Variants in RANBP2 observed in about 807,000 individuals in gnomAD.
RANBP2 encodes RAN binding protein 2.
RANBP2 carries 57 observed loss-of-function variants against 303.6 expected under a neutral mutation model. The ratio of observed to expected loss-of-function variants is 0.19; its 90% confidence interval spans 0.15 to 0.23. RANBP2 has a LOEUF of 0.23. Among genes scored for constraint, RANBP2 ranks in the 10% least tolerant of loss-of-function variants. RANBP2 has a pLI of 1.00. For missense variants in RANBP2, 3,138 were observed against 3,780.8 expected, an observed-to-expected ratio of 0.83 and a Z score of 4.46; for synonymous variants, 1,167 against 1,301.5, an observed-to-expected ratio of 0.90 and a Z score of 2.23.
At chr2:109,430,654 T>C in the RANBP2 span, among the ~76,000 whole-genome samples, 1 of 152,220 alleles carries the variant, frequency 6.6e-6, no homozygotes, top group South Asian at 2.1e-4. Flanking sequence ...TTCACTGGAC[T>C]TTTCCCTTAG....
the RANBP2 span, among the ~76,000 whole-genome samples, chr2:109,178,033 CA>C: frequency 6.6e-6 from 1 of 152,252 alleles, no homozygotes; most frequent in Admixed American, 6.5e-5. Flanking sequence ...CCCAATTGTT[CA>C]AGTATGTTTC....
At chr2:109,586,054 G>GA in the RANBP2 span, among the ~76,000 whole-genome samples, 1 of 152,078 alleles carries the variant, frequency 6.6e-6, no homozygotes, top group Non-Finnish European at 1.5e-5. Context: ...TTCATACAAC[G>GA]AGAGTCTAGC....
At chr2:109,355,202 T>G in the RANBP2 span, among the ~76,000 whole-genome samples, 1 of 152,202 alleles carries the variant, frequency 6.6e-6, no homozygotes, top group Non-Finnish European at 1.5e-5. Flanking sequence ...GCACTTGACA[T>G]GAAACCTGTA....
At chr2:109,547,660 T>C in the RANBP2 span, among the ~76,000 whole-genome samples, 1 of 152,140 alleles carries the variant, frequency 6.6e-6, no homozygotes, top group Admixed American at 6.5e-5. Flanking sequence ...ATGCCCTATA[T>C]GGATCATAGA....
chr2:109,021,316 G>A, the RANBP2 span, among the ~76,000 whole-genome samples: 17 of 152,278 alleles, frequency 1.1e-4, no homozygotes, highest in Non-Finnish European at 2.4e-4. Flanking sequence ...GAGGTCAGGA[G>A]ATCGAGACCA....
At chr2:109,647,791 C>A in the RANBP2 span, among the ~76,000 whole-genome samples, 1 of 152,182 alleles carries the variant, frequency 6.6e-6, no homozygotes, top group South Asian at 2.1e-4. Flanking sequence ...ACTTAAACAA[C>A]ATTAGAGCCA....
chr2:109,078,268 GTATATATA>G, the RANBP2 span, among the ~76,000 whole-genome samples: 111 of 46,254 alleles, frequency 2.4e-3, 9 homozygotes, highest in South Asian at 3.6e-3. Flanking sequence ...TATATAGCGC[GTATATATA>G]TATATATATA....
chr2:109,411,339 A>G, the RANBP2 span, among the ~76,000 whole-genome samples: 1 of 152,174 alleles, frequency 6.6e-6, no homozygotes, highest in South Asian at 2.1e-4. Context: ...CCCTGCAGTT[A>G]GTTCCTGCCA....
the RANBP2 span, among the ~76,000 whole-genome samples, chr2:108,995,111 T>G: frequency 6.6e-6 from 1 of 152,152 alleles, no homozygotes; most frequent in Admixed American, 6.5e-5. Flanking sequence ...ATTACAGGCA[T>G]GAGCCACCGT....
chr2:108,833,532 C>T, the RANBP2 span, among the ~76,000 whole-genome samples: 1 of 152,140 alleles, frequency 6.6e-6, no homozygotes, highest in Admixed American at 6.5e-5. Context: ...TCTGGTGTTT[C>T]TTAAGCTATG....
chr2:109,230,683 C>T, the RANBP2 span, among the ~76,000 whole-genome samples: 13 of 152,272 alleles, frequency 8.5e-5, no homozygotes, highest in East Asian at 1.5e-3. Context: ...GTCAGAAAAT[C>T]GTAAGTCGGG....
the RANBP2 span, chr2:109,615,897 C>G: frequency 6.2e-7 from 1 of 1,612,024 alleles, no homozygotes; most frequent in Non-Finnish European, 8.5e-7. Flanking sequence ...ACGTATAAAA[C>G]CCAGACTCAA....
At chr2:109,085,390 G>A in the RANBP2 span, among the ~76,000 whole-genome samples, 5 of 152,138 alleles carry the variant, frequency 3.3e-5, no homozygotes, top group Admixed American at 6.5e-5. Context: ...TGCAATCTCC[G>A]CCTCCTGAGT....
rs543190088 is a variant in RANBP2, at chr2:108,778,789, T to G, written c.8599+1558T>G. 8.7e-5 allele frequency among the ~76,000 whole-genome samples: 13 copies of G among 149,052 alleles called. No individual in the cohort carries two copies. In the East Asian group the frequency reaches 2.3e-3, roughly 26 times the overall value. On this transcript the variant is annotated intron_variant, in intron 25 of 28. Coordinates refer to ENST00000283195, the MANE Select transcript of RANBP2 (RefSeq NM_006267.5). ...TTGCCCAGGCTGGAGTGCAGTGGCATGAACACAGCTCACTGCTGCCTTGAC... is the reference window on the plus strand; with the variant it reads ...TTGCCCAGGCTGGAGTGCAGTGGCAGGAACACAGCTCACTGCTGCCTTGAC...
intron 25 of RANBP2, 29 bp from the exon 26 acceptor site, chr2:108,781,240 G>T (rs375165666): frequency 1.9e-6 from 3 of 1,611,174 alleles, no homozygotes; most frequent in South Asian, 2.2e-5. Context: ...ATAGATACTA[G>T]TGTTTAAATA....
chr2:109,565,676 C>T, the RANBP2 span: 11 of 1,161,790 alleles, frequency 9.5e-6, no homozygotes, highest in South Asian at 5.0e-5. Context: ...CACATCCAAA[C>T]TAAGCATCAC....
intron 6 of RANBP2, among the ~76,000 whole-genome samples, chr2:108,739,753 AGGTG>A (rs1695920888): frequency 6.6e-6 from 1 of 152,148 alleles, no homozygotes. Context: ...TGGTAAACTG[AGGTG>A]GGTGGATTGT....
the RANBP2 span, among the ~76,000 whole-genome samples, chr2:108,813,164 G>T: frequency 6.7e-6 from 1 of 149,210 alleles, no homozygotes; most frequent in Non-Finnish European, 1.5e-5. Context: ...CAGGAGAATT[G>T]CTGGAACCTG....
At chr2:108,909,809 C>A in the RANBP2 span, among the ~76,000 whole-genome samples, 2 of 152,250 alleles carry the variant, frequency 1.3e-5, no homozygotes, top group Non-Finnish European at 2.9e-5. Context: ...GCTTCACCTG[C>A]CAAATCTCCT....
Sources: allele counts gnomAD v4.1 joint callset (sites outside exome capture counted in the v4.1 genomes callset), GRCh38; gene constraint gnomAD v4.1.1; transcripts MANE v1.5; gene names NCBI Gene and HGNC (gene_info 2026-07-23, HGNC 2026-07-21).